Variants in AGBL4 observed in about 807,000 individuals in gnomAD.
AGBL4 encodes cytosolic carboxypeptidase 6.
A neutral mutation model predicts 66.4 loss-of-function variants in AGBL4; 58 were observed. The observed-to-expected ratio is 0.87, with a 90% CI of 0.71 to 1.09. The LOEUF (loss-of-function observed/expected upper bound fraction) is 1.09, where lower values mean the gene tolerates loss of function less well. Among genes scored for constraint, AGBL4 ranks in the 50% least tolerant of loss-of-function variants. AGBL4 has a pLI of 0.00. For synonymous variants in AGBL4, 234 were observed against 222.9 expected (o/e 1.05, Z -0.44); for missense variants, 579 against 631.0 (o/e 0.92, Z 0.88).
chr1:49,059,209 C>T (rs1388788435), intron 4 of AGBL4, among the ~76,000 whole-genome samples: 1 of 152,226 alleles, frequency 6.6e-6, no homozygotes, highest in East Asian at 1.9e-4. Context: ...GGGACCCCTG[C>T]TCTGTGCAGC....
At chr1:48,878,289 T>C (rs1006894678) in intron 5 of AGBL4, among the ~76,000 whole-genome samples, 5 of 152,152 alleles carry the variant, frequency 3.3e-5, no homozygotes, top group African/African-American at 1.2e-4. Context: ...AACTGTGGTA[T>C]AGACTGAATG....
At chr1:48,603,034 G>A (rs571168697) in intron 9 of AGBL4, among the ~76,000 whole-genome samples, 1 of 152,320 alleles carries the variant, frequency 6.6e-6, no homozygotes, top group South Asian at 2.1e-4. Flanking sequence ...CAGAGGAGGT[G>A]ACTATTAAGC....
intron 4 of AGBL4, among the ~76,000 whole-genome samples, chr1:49,078,487 T>A (rs1644751031): frequency 6.6e-6 from 1 of 152,182 alleles, no homozygotes; most frequent in South Asian, 2.1e-4. Flanking sequence ...AACCTAGTAG[T>A]CATCCTTGGA....
At chr1:49,946,120 A>G (rs1482635733) in intron 1 of AGBL4, among the ~76,000 whole-genome samples, 1 of 152,034 alleles carries the variant, frequency 6.6e-6, no homozygotes, top group East Asian at 1.9e-4. Flanking sequence ...AGGGAACTTC[A>G]ATACTCCACT....
chr1:49,362,425 G>T (rs1644156890), intron 3 of AGBL4, among the ~76,000 whole-genome samples: 1 of 136,692 alleles, frequency 7.3e-6, no homozygotes, highest in East Asian at 2.0e-4. Context: ...ACTCCAGCAT[G>T]GGCAACAGAG....
chr1:49,916,878 C>T (rs564066410), intron 1 of AGBL4, among the ~76,000 whole-genome samples: 10 of 152,112 alleles, frequency 6.6e-5, no homozygotes, highest in Non-Finnish European at 1.0e-4. Flanking sequence ...AGACTAACAG[C>T]GGATCTCTCG....
intron 4 of AGBL4, among the ~76,000 whole-genome samples, chr1:49,207,950 C>A (rs1648374358): frequency 6.6e-6 from 1 of 151,980 alleles, no homozygotes; most frequent in Admixed American, 6.6e-5. Flanking sequence ...TCTATATTAT[C>A]CTTTACTTCA....
At chr1:49,106,509 G>A (rs1310249312) in intron 4 of AGBL4, among the ~76,000 whole-genome samples, 2 of 152,276 alleles carry the variant, frequency 1.3e-5, no homozygotes, top group Non-Finnish European at 2.9e-5. Context: ...AATGGGCCTA[G>A]TGACCAGAGG....
chr1:49,961,031 T>A (rs1251468224), intron 1 of AGBL4, among the ~76,000 whole-genome samples: 1 of 152,072 alleles, frequency 6.6e-6, no homozygotes, highest in African/African-American at 2.4e-5. Flanking sequence ...ATAAAGTGCC[T>A]TCTGTGCCAT....
chr1:49,178,447 T>C (rs1646870469), intron 4 of AGBL4, among the ~76,000 whole-genome samples: 1 of 152,172 alleles, frequency 6.6e-6, no homozygotes. Context: ...CTCTTAGGGT[T>C]CCATTACCCC....
intron 3 of AGBL4, among the ~76,000 whole-genome samples, chr1:49,302,603 TTATTTTTTTATTTTATTTTATTTTA>T (rs1644768769): frequency 7.8e-6 from 1 of 127,496 alleles, no homozygotes; most frequent in African/African-American, 2.6e-5. Flanking sequence ...ATATTTTATT[TTATTTTTTTATTTTATTTTATTTTA>T]TTTTATTTTA....
chr1:48,996,712 G>A (rs1278762582), intron 5 of AGBL4, among the ~76,000 whole-genome samples: 1 of 152,024 alleles, frequency 6.6e-6, no homozygotes, highest in Non-Finnish European at 1.5e-5. Flanking sequence ...GTGAGAATGT[G>A]GAAAGGATGA....
chr1:49,136,984 G>C (rs776817421), intron 4 of AGBL4, among the ~76,000 whole-genome samples: 1 of 152,030 alleles, frequency 6.6e-6, no homozygotes, highest in Non-Finnish European at 1.5e-5. Context: ...TCTAATTTTT[G>C]TTCCCCCATT....
At chr1:49,739,067 C>G (rs973709148) in intron 2 of AGBL4, among the ~76,000 whole-genome samples, 2 of 152,136 alleles carry the variant, frequency 1.3e-5, no homozygotes, top group African/African-American at 2.4e-5. Flanking sequence ...ATGACTTTGA[C>G]GAGTTGAGAG....
chr1:48,763,666 C>T (rs928640262), intron 6 of AGBL4, among the ~76,000 whole-genome samples: 26 of 152,168 alleles, frequency 1.7e-4, no homozygotes, highest in African/African-American at 5.6e-4. Flanking sequence ...TGCCTTCCTG[C>T]GCTGAAACTC....
intron 6 of AGBL4, among the ~76,000 whole-genome samples, chr1:48,718,054 T>C (rs1216404385): frequency 6.6e-6 from 1 of 152,180 alleles, no homozygotes; most frequent in African/African-American, 2.4e-5. Flanking sequence ...TCCTGTTGGC[T>C]GCCCTTCTCA....
At chr1:49,440,163 G>A (rs1380660399) in intron 3 of AGBL4, among the ~76,000 whole-genome samples, 1 of 148,814 alleles carries the variant, frequency 6.7e-6, no homozygotes, top group Non-Finnish European at 1.5e-5. Context: ...TGTGCTTCCT[G>A]GGTTCACACC....
intron 1 of AGBL4, among the ~76,000 whole-genome samples, chr1:49,984,044 T>C (rs1337548074): frequency 6.6e-6 from 1 of 152,186 alleles, no homozygotes; most frequent in Non-Finnish European, 1.5e-5. Context: ...GGCAGTAAGA[T>C]ACCAAATTAT....
chr1:48,731,703 G>T (rs941953844), intron 6 of AGBL4, among the ~76,000 whole-genome samples: 6 of 152,180 alleles, frequency 3.9e-5, no homozygotes, highest in African/African-American at 1.4e-4. Context: ...AGGGAACAAG[G>T]CTTGTTCACG....
Sources: allele counts gnomAD v4.1 joint callset (sites outside exome capture counted in the v4.1 genomes callset), GRCh38; gene constraint gnomAD v4.1.1; transcripts MANE v1.5; gene names NCBI Gene and HGNC (gene_info 2026-07-23, HGNC 2026-07-21).